Variants in ERBB2 observed in about 807,000 individuals in gnomAD.
ERBB2 encodes the protein receptor tyrosine-protein kinase erbB-2.
Under a neutral mutation model 149.0 loss-of-function variants are expected in ERBB2, and 61 were observed. The observed-to-expected ratio is 0.41, with a 90% CI of 0.33 to 0.51. ERBB2 has a LOEUF of 0.51. Ranked by LOEUF, ERBB2 falls within the 20% of genes least tolerant of loss-of-function variation. The probability of loss-of-function intolerance (pLI) is 0.25; values close to 1 mark genes in which losing one functional copy is unlikely to be tolerated. For synonymous variants in ERBB2, 633 were observed against 678.8 expected (o/e 0.93, Z 1.05); for missense variants, 1,205 against 1,655.1 (o/e 0.73, Z 4.72).
In ERBB2 at chr17:39,725,162, G is replaced by A. The variant is rs1023186733; in HGVS notation, c.2607G>A (p.Leu869=). ...VKITDFGLAR[L]LDIDETEYHA... ...TTACAGACTTCGGGCTGGCTCGGCTGCTGGACATTGACGAGACAGAGTACC... is the reference window on the plus strand; with the variant it reads ...TTACAGACTTCGGGCTGGCTCGGCTACTGGACATTGACGAGACAGAGTACC... Residue 869 remains leucine, a synonymous_variant, in exon 21 of 27, where the codon CTG becomes CTA. Coordinates refer to ENST00000269571, the MANE Select transcript of ERBB2 (RefSeq NM_004448.4). This position sits in a 1 kb window ranked among gnomAD's most constrained non-coding sequence, Gnocchi z 4.6. 35 of 1,614,132 alleles carry A rather than the reference G, an allele frequency of 2.2e-5. 2 individuals carry two copies. In the Middle Eastern group the frequency reaches 1.6e-3, roughly 76 times the overall value.
At position 39,727,990 on chromosome 17, in the gene ERBB2, A is replaced by C. The variant is rs1363596416; in HGVS notation, c.3714A>C (p.Lys1238Asn). Residue 1238 changes from lysine (K) to asparagine (N), a missense_variant, in exon 27 of 27, where the codon AAA (lysine) becomes AAC (asparagine). This residue lies in a region of ERBB2 where 312 missense variants were observed against 343.8 expected (regional missense o/e 0.91). Transcript: ENST00000269571. The surrounding 1 kb of genome is among the most constrained non-coding windows in gnomAD (Gnocchi z 4.3). ...GGGGGGCTCCACCCAGCACCTTCAA[A>C]GGGACACCTACGGCAGAGAACCCAG... is the stretch of plus-strand genomic sequence containing the variant. ...PERGAPPSTF[K>N]GTPTAENPEY... 1 of 1,612,482 alleles carries C rather than the reference A, an allele frequency of 6.2e-7. No individual in the cohort carries two copies. The highest frequency in any genetic ancestry group is 2.2e-5 in the East Asian group (1 of 44,892).
At chr17:39,688,502 T>A (rs1211254090) in intron 1 of ERBB2, among the ~76,000 whole-genome samples, 1 of 152,214 alleles carries the variant, frequency 6.6e-6, no homozygotes, top group African/African-American at 2.4e-5. Flanking sequence ...TATCACTTTT[T>A]TTTTCTTAAA....
At chr17:39,717,820 C>T (rs1158057085) in intron 15 of ERBB2, among the ~76,000 whole-genome samples, 1 of 151,090 alleles carries the variant, frequency 6.6e-6, no homozygotes, top group African/African-American at 2.4e-5. Context: ...CACACACACA[C>T]ATATGTATTT....
intron 5 of ERBB2, 29 bp downstream of exon 5, chr17:39,709,910 G>C (rs2058695681): frequency 7.5e-6 from 12 of 1,597,552 alleles, no homozygotes; most frequent in Non-Finnish European, 8.6e-6. Flanking sequence ...TGGAGTCAGG[G>C]AAGGGGAGGG....
chr17:39,725,586 C>A lies in ERBB2; in HGVS notation c.2726-121C>A. 1 of 1,266,742 alleles carries A rather than the reference C, an allele frequency of 7.9e-7. No individual in the cohort carries two copies. The highest frequency in any genetic ancestry group is 1.1e-6 in the Non-Finnish European group (1 of 905,660). 78.5% of individuals were successfully genotyped at this position (1,266,742 alleles called of 1,614,324 possible). A position where few individuals can be genotyped will look rare whatever the true frequency, so the allele number is the denominator to read the frequency against. On this transcript the variant is annotated intron_variant, in intron 22 of 26. Transcript: ENST00000269571. The surrounding 1 kb of genome is among the most constrained non-coding windows in gnomAD (Gnocchi z 4.6). Reference sequence around the variant, plus strand: ...TAGGGAAAGACCGGGTAGGGTCTGTCTCCTGGCATCACATCTCCCCCTGCT... The same window carrying A: ...TAGGGAAAGACCGGGTAGGGTCTGTATCCTGGCATCACATCTCCCCCTGCT...
In ERBB2 at chr17:39,716,620, G is replaced by A. The variant is rs748416591; in HGVS notation, c.1737+15G>A. The A allele has an allele frequency of 3.2e-5, 52 of 1,612,576 alleles. No individual in the cohort carries two copies. In the Middle Eastern group the frequency reaches 1.8e-3, roughly 56 times the overall value. ...GTTTTGGACCGGTGAGCTGCTGGCG[G>A]GCTCAGAGCTGGGTGGAGGGGGGCA... On this transcript the variant is annotated intron_variant, in intron 14 of 26. Transcript: ENST00000269571.
intron 1 of ERBB2, among the ~76,000 whole-genome samples, chr17:39,706,265 TGAG>T (rs1427072374): frequency 1.3e-5 from 2 of 152,198 alleles, no homozygotes; most frequent in African/African-American, 4.8e-5. Context: ...AGTCTTGCCC[TGAG>T]GAGGTGGCCA....
chr17:39,695,688 G>T (rs2057841311), upstream of ERBB2, among the ~76,000 whole-genome samples: 1 of 126,986 alleles, frequency 7.9e-6, no homozygotes, highest in East Asian at 3.0e-4. Flanking sequence ...AGAGGGAGGA[G>T]ACTTTGGTGC....
rs2145637776 is a variant in ERBB2, at chr17:39,715,443, C to T, written c.1223-3C>T. The T allele has an allele frequency of 6.2e-7, 1 of 1,614,140 alleles. No individual in the cohort carries two copies. Reference sequence around the variant, plus strand: ...CTCCTTTAATCTCACCCTCTGCCTGCAGGTTACCTATACATCTCAGCATGG... The same window carrying T: ...CTCCTTTAATCTCACCCTCTGCCTGTAGGTTACCTATACATCTCAGCATGG... On this transcript the variant is annotated splice_polypyrimidine_tract_variant and splice_region_variant and intron_variant, in intron 10 of 26. Transcript: ENST00000269571.
At chr17:39,724,599 G>C in intron 19 of ERBB2, 127 bp from the exon 20 acceptor site, 1 of 796,454 alleles carries the variant, frequency 1.3e-6, no homozygotes, top group Middle Eastern at 3.6e-4. Flanking sequence ...TCACCATGTT[G>C]TCCAGGCTGG....
chr17:39,722,219 A>G (rs1257336994), intron 16 of ERBB2, among the ~76,000 whole-genome samples: 1 of 152,138 alleles, frequency 6.6e-6, no homozygotes, highest in Non-Finnish European at 1.5e-5. Flanking sequence ...AATAAATTAC[A>G]TAGCCAGGCA....
upstream of ERBB2, chr17:39,699,567 G>A (rs966070730): frequency 5.2e-6 from 8 of 1,531,884 alleles, no homozygotes; most frequent in African/African-American, 1.4e-5. Flanking sequence ...GATATGCCCC[G>A]GGGGTCCTGG....
intron 15 of ERBB2, among the ~76,000 whole-genome samples, chr17:39,718,370 C>T (rs1263985916): frequency 1.3e-5 from 2 of 152,248 alleles, no homozygotes; most frequent in Non-Finnish European, 2.9e-5. Context: ...TCCACCCAGT[C>T]TCTCCTGTCT....
upstream of ERBB2, among the ~76,000 whole-genome samples, chr17:39,694,226 AATATATAT>A (rs1417710622): frequency 0.035 from 639 of 18,424 alleles, 9 homozygotes; most frequent in East Asian, 0.081. Context: ...AAAAAAAAAA[AATATATAT>A]ATATATATAT....
rs2059824656 is a variant in ERBB2, at chr17:39,727,267, C to T, written c.3160-28C>T. On this transcript the variant is annotated intron_variant, in intron 25 of 26. Coordinates refer to ENST00000269571, the MANE Select transcript of ERBB2 (RefSeq NM_004448.4). This position sits in a 1 kb window ranked among gnomAD's most constrained non-coding sequence, Gnocchi z 4.3. ...CCCATCCCAGATCCGTGAGTGACCC[C>T]CATCATGACTTTCTTTCTTGTCCCC... 2 of 1,610,302 alleles carry T rather than the reference C, an allele frequency of 1.2e-6. No homozygotes were observed. The highest frequency in any genetic ancestry group is 2.7e-5 in the African/African-American group (2 of 74,736).
chr17:39,715,109 G>C (rs2145624874), intron 9 of ERBB2, among the ~76,000 whole-genome samples, 177 bp from the exon 10 acceptor site: 1 of 152,316 alleles, frequency 6.6e-6, no homozygotes, highest in Non-Finnish European at 1.5e-5. Flanking sequence ...ATACTGTTTT[G>C]ATAGATGTTG....
At chr17:39,710,719 A>G (rs1314862104) in intron 7 of ERBB2, among the ~76,000 whole-genome samples, 2 of 152,238 alleles carry the variant, frequency 1.3e-5, no homozygotes, top group African/African-American at 4.8e-5. Flanking sequence ...ATCAATTAGT[A>G]GGCACGTGAC....
At chr17:39,691,638 C>T (rs2057704964), upstream of ERBB2, among the ~76,000 whole-genome samples, 1 of 146,894 alleles carries the variant, frequency 6.8e-6, no homozygotes, top group Admixed American at 6.8e-5. Flanking sequence ...CTAGGTATAC[C>T]TACATAAGCT....
Position 39,724,297 on chromosome 17 carries a change from G to A in ERBB2, c.2307+287G>A, listed in dbSNP as rs144640856. ...ATTTTTTTTTTTTTTTTGAGACAGA[G>A]TCTCGCTCTGTCACCCAGGCTAGAG... On this transcript the variant is annotated intron_variant, in intron 19 of 26. Coordinates refer to ENST00000269571, the MANE Select transcript of ERBB2 (RefSeq NM_004448.4). 2.3e-3 allele frequency among the ~76,000 whole-genome samples: 68 copies of A among 30,120 alleles called. 2 individuals are homozygous for A. The East Asian group carries it at 0.03, about 13-fold the overall frequency. 19.8% of individuals were successfully genotyped at this position (30,120 alleles called of 152,430 possible). A position where few individuals can be genotyped will look rare whatever the true frequency, so the allele number is the denominator to read the frequency against.
Sources: allele counts gnomAD v4.1 joint callset (sites outside exome capture counted in the v4.1 genomes callset), GRCh38; gene constraint gnomAD v4.1.1; regional missense constraint gnomAD v4.1.1; non-coding constraint Gnocchi (gnomAD v3.1); transcripts MANE v1.5; gene names NCBI Gene and HGNC (gene_info 2026-07-23, HGNC 2026-07-21).